Variants in SORCS3 observed in about 807,000 individuals in gnomAD.
The protein encoded by SORCS3 is sortilin related VPS10 domain containing receptor 3.
Under a neutral mutation model 146.3 loss-of-function variants are expected in SORCS3, and 57 were observed. That is an observed-to-expected ratio of 0.39 (90% CI 0.31 to 0.49). The LOEUF (loss-of-function observed/expected upper bound fraction) is 0.49. Ranked by LOEUF, SORCS3 falls within the 20% of genes least tolerant of loss-of-function variation. SORCS3 has a pLI of 0.92. For missense variants in SORCS3, 1,341 were observed against 1,575.5 expected (o/e 0.85, Z 2.52); for synonymous variants, 653 against 618.5 (o/e 1.06, Z -0.83).
At chr10:105,061,705 C>A (rs990523529) in intron 5 of SORCS3, among the ~76,000 whole-genome samples, 7 of 151,456 alleles carry the variant, frequency 4.6e-5, no homozygotes, top group Non-Finnish European at 7.4e-5. Context: ...CTCAGGAACA[C>A]CACCACCTTT....
intron 1 of SORCS3, among the ~76,000 whole-genome samples, chr10:104,787,927 C>G (rs554371558): frequency 6.0e-4 from 92 of 152,314 alleles, no homozygotes; most frequent in African/African-American, 2.0e-3. Context: ...ACTCCATTTT[C>G]TGCTTTCAAC....
chr10:104,720,113 C>T (rs1007127099), intron 1 of SORCS3, among the ~76,000 whole-genome samples: 1 of 152,068 alleles, frequency 6.6e-6, no homozygotes, highest in African/African-American at 2.4e-5. Flanking sequence ...TCTCCTAATC[C>T]TATCCCTCCC....
At chr10:105,245,004 G>A (rs1381386969) in intron 20 of SORCS3, among the ~76,000 whole-genome samples, 2 of 151,204 alleles carry the variant, frequency 1.3e-5, no homozygotes, top group Non-Finnish European at 2.9e-5. Context: ...AGGAGGCGGA[G>A]GTTGCAGTGA....
chr10:104,674,169 ATTAAG>A (rs1365774185), intron 1 of SORCS3, among the ~76,000 whole-genome samples: 2 of 152,186 alleles, frequency 1.3e-5, no homozygotes, highest in Non-Finnish European at 2.9e-5. Flanking sequence ...TCTTTCTTCT[ATTAAG>A]TTTTGTCTGT....
chr10:104,974,444 A>C (rs2054881581), intron 3 of SORCS3, among the ~76,000 whole-genome samples: 1 of 152,140 alleles, frequency 6.6e-6, no homozygotes, highest in Non-Finnish European at 1.5e-5. Flanking sequence ...CTTTACCATT[A>C]TGTAATGGCC....
intron 1 of SORCS3, among the ~76,000 whole-genome samples, chr10:104,740,988 G>T (rs1029335802): frequency 1.3e-5 from 2 of 151,704 alleles, no homozygotes; most frequent in Non-Finnish European, 2.9e-5. Flanking sequence ...TGGAGACAGG[G>T]TCTCCCTCTG....
At chr10:105,195,712 G>C (rs1052064451) in intron 14 of SORCS3, among the ~76,000 whole-genome samples, 1 of 152,278 alleles carries the variant, frequency 6.6e-6, no homozygotes, top group South Asian at 2.1e-4. Context: ...AGTGAACTTT[G>C]CTCTTCCCTA....
intron 1 of SORCS3, among the ~76,000 whole-genome samples, chr10:104,727,889 G>A (rs1277825958): frequency 6.6e-6 from 1 of 152,104 alleles, no homozygotes; most frequent in Non-Finnish European, 1.5e-5. Context: ...AATGCTTAAT[G>A]ATCTGAGATG....
At chr10:104,875,204 A>G (rs1354429680) in intron 2 of SORCS3, among the ~76,000 whole-genome samples, 1 of 152,200 alleles carries the variant, frequency 6.6e-6, no homozygotes, top group Non-Finnish European at 1.5e-5. Flanking sequence ...TTTCCAAGCC[A>G]AGAGTGTTGT....
At chr10:104,986,434 G>A (rs1589580290) in intron 4 of SORCS3, among the ~76,000 whole-genome samples, 1 of 152,140 alleles carries the variant, frequency 6.6e-6, no homozygotes, top group Non-Finnish European at 1.5e-5. Flanking sequence ...CAGCAATAAG[G>A]CTGTTTAATT....
chr10:105,155,411 G>A (rs1023990476), intron 9 of SORCS3, among the ~76,000 whole-genome samples: 2 of 152,170 alleles, frequency 1.3e-5, no homozygotes, highest in Non-Finnish European at 2.9e-5. Flanking sequence ...GTACTTGTGG[G>A]AGAGGGTAAC....
intron 1 of SORCS3, among the ~76,000 whole-genome samples, chr10:104,811,302 G>T (rs1565419): frequency 6.6e-6 from 1 of 151,962 alleles, no homozygotes; most frequent in Non-Finnish European, 1.5e-5. Flanking sequence ...ACCACCACCA[G>T]GATAATTACT....
In SORCS3 at chr10:105,043,459, C is replaced by G. The variant is rs1180602870; in HGVS notation, c.1028+331C>G. ...CAGGTGCTCTTTGCTATGTACTAAC[C>G]CCCTCTTTTTGGAAAAGTGCATATA... is the stretch of plus-strand genomic sequence containing the variant. On this transcript the variant is annotated intron_variant, in intron 5 of 26. Coordinates refer to ENST00000369701, the MANE Select transcript of SORCS3 (RefSeq NM_014978.3). 2.0e-5 allele frequency among the ~76,000 whole-genome samples: 3 copies of G among 152,046 alleles called. No individual in the cohort carries two copies. The East Asian group carries it at 5.8e-4, about 29-fold the overall frequency.
Position 105,007,448 on chromosome 10 carries a change from A to G in SORCS3, c.954+29955A>G, listed in dbSNP as rs551172520. On this transcript the variant is annotated intron_variant, in intron 4 of 26. Coordinates refer to ENST00000369701, the MANE Select transcript of SORCS3 (RefSeq NM_014978.3). ...TCTTATAACAAGATACCATTGTTAT[A>G]CCCATCACTCATCCTCCTCCCAGAG... is the stretch of plus-strand genomic sequence containing the variant. 2.6e-5 allele frequency among the ~76,000 whole-genome samples: 4 copies of G among 152,298 alleles called. No individual in the cohort carries two copies. The South Asian group carries it at 6.2e-4, about 24-fold the overall frequency.
intron 8 of SORCS3, among the ~76,000 whole-genome samples, chr10:105,140,299 AGTT>A (rs2119449053): frequency 6.6e-6 from 1 of 152,180 alleles, no homozygotes; most frequent in African/African-American, 2.4e-5. Flanking sequence ...TCCTACCCCC[AGTT>A]GTTATTATTC....
intron 3 of SORCS3, among the ~76,000 whole-genome samples, chr10:104,924,563 G>T (rs575276852): frequency 2.6e-5 from 4 of 152,310 alleles, no homozygotes; most frequent in African/African-American, 9.6e-5. Context: ...ATTCAAAACT[G>T]CCCAGAATGG....
At chr10:104,801,787 C>G (rs577235165) in intron 1 of SORCS3, among the ~76,000 whole-genome samples, 1 of 152,160 alleles carries the variant, frequency 6.6e-6, no homozygotes, top group Non-Finnish European at 1.5e-5. Flanking sequence ...TTTACAGATA[C>G]GTAAACTCTT....
At position 105,202,680 on chromosome 10, in the gene SORCS3, G is replaced by A. The variant is rs568268143; in HGVS notation, c.2261+1427G>A. On this transcript the variant is annotated intron_variant, in intron 16 of 26. Transcript: ENST00000369701. ...CTTTCCTTGTTTCTGCATCCACAGC[G>A]CCTGGCCCGCTGTAAACATTCAATA... Among the ~76,000 whole-genome samples, 48 of 152,190 alleles carry A rather than the reference G, an allele frequency of 3.2e-4. No homozygotes were observed. In the Middle Eastern group the frequency reaches 0.034, roughly 109 times the overall value.
intron 2 of SORCS3, among the ~76,000 whole-genome samples, chr10:104,906,490 C>T (rs1362819076): frequency 1.3e-5 from 2 of 152,150 alleles, no homozygotes; most frequent in African/African-American, 4.8e-5. Context: ...ATTGGTCTAC[C>T]TTGGTGTTGC....
Sources: allele counts gnomAD v4.1 joint callset (sites outside exome capture counted in the v4.1 genomes callset), GRCh38; gene constraint gnomAD v4.1.1; transcripts MANE v1.5; gene names NCBI Gene and HGNC (gene_info 2026-07-23, HGNC 2026-07-21).